Variants in TRPC4 observed in about 807,000 individuals in gnomAD.
TRPC4 encodes the protein transient receptor potential cation channel subfamily C member 4.
Under a neutral mutation model 99.4 loss-of-function variants are expected in TRPC4, and 49 were observed. The observed-to-expected ratio is 0.49, with a 90% CI of 0.39 to 0.63. The LOEUF is 0.63. Among genes scored for constraint, TRPC4 ranks in the 20% least tolerant of loss-of-function variants. The probability of loss-of-function intolerance (pLI) is 0.00; values close to 1 mark genes in which losing one functional copy is unlikely to be tolerated. For missense variants in TRPC4, 898 were observed against 1,152.9 expected (o/e 0.78, Z 3.20); for synonymous variants, 454 against 425.9 (o/e 1.07, Z -0.81).
At chr13:37,811,878 C>G (rs1359405572) in intron 1 of TRPC4, among the ~76,000 whole-genome samples, 4 of 151,618 alleles carry the variant, frequency 2.6e-5, no homozygotes, top group Admixed American at 2.6e-4. Context: ...AATTCAAGAC[C>G]CTGGCCAGGT....
chr13:37,679,865 G>T (rs911590561), intron 4 of TRPC4, among the ~76,000 whole-genome samples: 30 of 152,150 alleles, frequency 2.0e-4, no homozygotes, highest in Non-Finnish European at 2.9e-5. Flanking sequence ...TTTTAGAGCT[G>T]GTGGGAAACT....
intron 2 of TRPC4, among the ~76,000 whole-genome samples, chr13:37,779,973 G>C (rs981458390): frequency 2.6e-5 from 4 of 151,928 alleles, no homozygotes; most frequent in Admixed American, 1.3e-4. Flanking sequence ...CATCTCTTCA[G>C]TTCTGACAGC....
chr13:37,801,113 T>C (rs539397615), intron 1 of TRPC4, among the ~76,000 whole-genome samples: 1 of 152,278 alleles, frequency 6.6e-6, no homozygotes, highest in East Asian at 1.9e-4. Context: ...ACATCTTATT[T>C]TTGCCATAAA....
intron 1 of TRPC4, among the ~76,000 whole-genome samples, chr13:37,816,691 C>G (rs1957866342): frequency 6.6e-6 from 1 of 151,942 alleles, no homozygotes; most frequent in Non-Finnish European, 1.5e-5. Context: ...ATCAAGTAGG[C>G]TTTATCCCTA....
intron 4 of TRPC4, among the ~76,000 whole-genome samples, chr13:37,682,663 C>T (rs1029544267): frequency 4.6e-5 from 7 of 152,298 alleles, no homozygotes; most frequent in Admixed American, 1.3e-4. Flanking sequence ...CCTCTCCTTC[C>T]GTAATCTGTA....
intron 1 of TRPC4, among the ~76,000 whole-genome samples, chr13:37,817,667 T>C (rs140041951): frequency 1.3e-5 from 2 of 151,852 alleles, no homozygotes; most frequent in South Asian, 2.1e-4. Context: ...CAAAACAGCA[T>C]AGTACTGCTA....
At chr13:37,792,456 T>C (rs533607346) in intron 1 of TRPC4, among the ~76,000 whole-genome samples, 12 of 152,264 alleles carry the variant, frequency 7.9e-5, no homozygotes, top group Admixed American at 7.2e-4. Flanking sequence ...TATTACTACA[T>C]CAGAAACACT....
At chr13:37,780,304 T>G (rs1956805816) in intron 2 of TRPC4, among the ~76,000 whole-genome samples, 1 of 152,130 alleles carries the variant, frequency 6.6e-6, no homozygotes, top group Non-Finnish European at 1.5e-5. Flanking sequence ...AAAATCAGAT[T>G]TGGATTTTTT....
chr13:37,827,274 A>G lies in TRPC4; in HGVS notation c.-28+42321T>C, dbSNP rs188543004. Among the ~76,000 whole-genome samples, 557 of 152,208 alleles carry G rather than the reference A, an allele frequency of 3.7e-3. 1 individual carries two copies. The highest frequency in any genetic ancestry group is 5.4e-3 in the Non-Finnish European group (364 of 68,018). On this transcript the variant is annotated intron_variant, in intron 1 of 10. Coordinates refer to ENST00000379705, the MANE Select transcript of TRPC4 (RefSeq NM_016179.4). ...GTCTGAAGCCTTCTTCTCTCAGCTC[A>G]TCAAAGTCATTCTCCATCCAGCTTT...
intron 4 of TRPC4, among the ~76,000 whole-genome samples, chr13:37,686,700 A>T (rs574903124): frequency 6.6e-6 from 1 of 152,182 alleles, no homozygotes; most frequent in Non-Finnish European, 1.5e-5. Flanking sequence ...TCTGGCTATT[A>T]TGAGCAATTC....
At chr13:37,726,199 C>G (rs867070029) in intron 3 of TRPC4, among the ~76,000 whole-genome samples, 4 of 148,320 alleles carry the variant, frequency 2.7e-5, no homozygotes, top group African/African-American at 7.4e-5. Flanking sequence ...CCGTCCCCCC[C>G]CAAAAAAAAA....
chr13:37,743,530 G>A lies in TRPC4; in HGVS notation c.897+2407C>T, dbSNP rs867429941. Reference sequence around the variant, plus strand: ...TTTTTAGTGGTTCAGGAACAAAATGGAGAATATATATTCAATGTTTCATTG... The same window carrying A: ...TTTTTAGTGGTTCAGGAACAAAATGAAGAATATATATTCAATGTTTCATTG... On this transcript the variant is annotated intron_variant, in intron 3 of 10. Coordinates refer to ENST00000379705, the MANE Select transcript of TRPC4 (RefSeq NM_016179.4). 1.1e-4 allele frequency among the ~76,000 whole-genome samples: 16 copies of A among 152,156 alleles called. No homozygotes were observed. In the South Asian group the frequency reaches 1.7e-3, roughly 16 times the overall value.
chr13:37,853,368 C>G (rs1566225627), intron 1 of TRPC4, among the ~76,000 whole-genome samples: 1 of 152,172 alleles, frequency 6.6e-6, no homozygotes, highest in Admixed American at 6.5e-5. Flanking sequence ...GGCAGGACCC[C>G]TACAAGTCTG....
intron 1 of TRPC4, among the ~76,000 whole-genome samples, chr13:37,783,655 T>G (rs368602116): frequency 1.2e-4 from 19 of 152,204 alleles, no homozygotes; most frequent in African/African-American, 4.6e-4. Context: ...GTTTTGGAAA[T>G]TATTTACAAA....
At chr13:37,674,150 A>G in intron 5 of TRPC4, 78 bp downstream of exon 5, 1 of 1,336,280 alleles carries the variant, frequency 7.5e-7, no homozygotes, top group South Asian at 1.9e-5. Flanking sequence ...TAACTTTATT[A>G]ATAAAATTAA....
chr13:37,815,855 A>G (rs1473144496), intron 1 of TRPC4, among the ~76,000 whole-genome samples: 1 of 150,968 alleles, frequency 6.6e-6, no homozygotes, highest in Non-Finnish European at 1.5e-5. Flanking sequence ...AAAACTGACA[A>G]TCCAATTGTA....
chr13:37,776,001 T>C (rs1165374429), intron 2 of TRPC4, among the ~76,000 whole-genome samples: 2 of 151,886 alleles, frequency 1.3e-5, no homozygotes, highest in South Asian at 2.1e-4. Context: ...GATGTATTAA[T>C]ATATGAGTCA....
intron 7 of TRPC4, among the ~76,000 whole-genome samples, chr13:37,653,173 CA>C (rs1282019757): frequency 3.3e-5 from 5 of 152,106 alleles, no homozygotes; most frequent in Admixed American, 6.5e-5. Flanking sequence ...TCTACTATAT[CA>C]TTTTTTTGTT....
chr13:37,741,611 A>G (rs925684204), intron 3 of TRPC4, among the ~76,000 whole-genome samples: 2 of 152,122 alleles, frequency 1.3e-5, no homozygotes, highest in South Asian at 4.1e-4. Flanking sequence ...AAGAAAGGGA[A>G]AGTAGGCTTC....
Sources: gnomAD v4.1 joint callset for allele counts (sites outside exome capture counted in the v4.1 genomes callset) on GRCh38, gnomAD v4.1.1 for gene constraint, MANE v1.5 for transcripts, NCBI Gene and HGNC (gene_info 2026-07-23, HGNC 2026-07-21) for gene names.